The following OSBPL6 variants were observed in gnomAD, a reference collection of about 807,000 sequenced individuals.
OSBPL6 encodes the protein oxysterol binding protein like 6, also known as oxysterol-binding protein-related protein 6.
In OSBPL6, 49 loss-of-function variants were observed where a neutral mutation model predicts 125.8. The ratio of observed to expected loss-of-function variants is 0.39; its 90% CI spans 0.31 to 0.49. OSBPL6 has a LOEUF of 0.49. Ranked by LOEUF, OSBPL6 falls within the 20% of genes least tolerant of loss-of-function variation. The pLI is 0.88. For synonymous variants in OSBPL6, 394 were observed against 391.8 expected, an observed-to-expected ratio of 1.01 and a Z score of -0.07; for missense variants, 986 against 1,135.4, an observed-to-expected ratio of 0.87 and a Z score of 1.89.
intron 21 of OSBPL6, 34 bp from the exon 22 acceptor site, chr2:178,391,039 A>G (rs777092949): frequency 6.2e-7 from 1 of 1,610,912 alleles, no homozygotes. Flanking sequence ...TATTAAAGCC[A>G]TCAAATGTCA....
chr2:178,303,430 G>A (rs1686472042), intron 2 of OSBPL6, among the ~76,000 whole-genome samples: 1 of 152,008 alleles, frequency 6.6e-6, no homozygotes, highest in African/African-American at 2.4e-5. Flanking sequence ...CTATAAACAG[G>A]TGACCATTAA....
chr2:178,320,128 G>T, intron 3 of OSBPL6: 4 of 792,890 alleles, frequency 5.0e-6, no homozygotes, highest in South Asian at 2.3e-5. Context: ...TGAGAATCAC[G>T]TTTCTCTCCG....
At chr2:178,264,612 A>G (rs2154020030) in intron 1 of OSBPL6, among the ~76,000 whole-genome samples, 1 of 152,318 alleles carries the variant, frequency 6.6e-6, no homozygotes, top group Middle Eastern at 3.4e-3. Flanking sequence ...TAATGTATTC[A>G]GTCTGCAGGC....
chr2:178,355,567 C>A (rs537704539), intron 12 of OSBPL6, among the ~76,000 whole-genome samples: 6 of 152,118 alleles, frequency 3.9e-5, no homozygotes, highest in African/African-American at 1.2e-4. Context: ...TAGACCAATA[C>A]CAGGCTCTGA....
chr2:178,312,008 G>A (rs769285424), intron 3 of OSBPL6, among the ~76,000 whole-genome samples: 11 of 152,220 alleles, frequency 7.2e-5, no homozygotes, highest in Middle Eastern at 3.4e-3. Flanking sequence ...TTGAAATGGC[G>A]TCTTAGTCTG....
At chr2:178,246,464 G>C (rs1436228794) in intron 1 of OSBPL6, among the ~76,000 whole-genome samples, 1 of 152,116 alleles carries the variant, frequency 6.6e-6, no homozygotes, top group Non-Finnish European at 1.5e-5. Context: ...TTTATGGCCT[G>C]GTGTGAGAAC....
chr2:178,329,589 T>A (rs1379595531), intron 5 of OSBPL6, among the ~76,000 whole-genome samples: 4 of 151,942 alleles, frequency 2.6e-5, no homozygotes, highest in East Asian at 1.9e-4. Flanking sequence ...TGGCTAATTT[T>A]TTTTTATTTT....
chr2:178,358,215 A>G (rs1574961507), intron 12 of OSBPL6, among the ~76,000 whole-genome samples: 1 of 152,232 alleles, frequency 6.6e-6, no homozygotes, highest in Admixed American at 6.5e-5. Context: ...CATGTACCCT[A>G]GAATTTAAAC....
chr2:178,349,279 T>A lies in OSBPL6; in HGVS notation c.1043T>A (p.Leu348His). Residue 348 changes from leucine to histidine, a missense_variant, in exon 12 of 25, where the codon CTT becomes CAT. Around this residue, in one of 3 missense-constraint regions of OSBPL6, gnomAD observed 843 missense variants for 997.3 expected, o/e 0.85. Transcript: ENST00000190611. The part of the protein sequence containing the change: ...PVRLHSSNPN[L>H]CADIEFQTPP... ...CGCTTGCATTCCTCCAACCCCAACCTTTGTGCAGATATTGAATTTCAGACT... is the reference window on the plus strand; with the variant it reads ...CGCTTGCATTCCTCCAACCCCAACCATTGTGCAGATATTGAATTTCAGACT... The A allele has an allele frequency of 1.2e-6, 2 of 1,614,102 alleles. No individual in the cohort carries two copies. Among genetic ancestry groups the A allele is most frequent in the Non-Finnish European group, 1.7e-6 (2 of 1,179,972 alleles).
intron 3 of OSBPL6, among the ~76,000 whole-genome samples, chr2:178,313,310 G>A (rs907009265): frequency 3.9e-5 from 6 of 152,204 alleles, no homozygotes; most frequent in Non-Finnish European, 8.8e-5. Context: ...TGTATTTGGA[G>A]CCAATGATTA....
intron 3 of OSBPL6, among the ~76,000 whole-genome samples, chr2:178,306,637 C>T (rs548482665): frequency 1.3e-5 from 2 of 152,256 alleles, no homozygotes; most frequent in South Asian, 2.1e-4. Context: ...CTGCAAAGGA[C>T]GTCTTCCTAT....
At chr2:178,244,117 A>G (rs1256996535) in intron 1 of OSBPL6, among the ~76,000 whole-genome samples, 1 of 152,072 alleles carries the variant, frequency 6.6e-6, no homozygotes, top group Admixed American at 6.6e-5. Flanking sequence ...TTTGCCTTAC[A>G]CACTGCTCAA....
In OSBPL6 at chr2:178,332,871, G is replaced by C; in HGVS notation, c.487G>C (p.Val163Leu). 6.2e-7 allele frequency: 1 copy of C among 1,610,368 alleles called. No individual in the cohort carries two copies. Among genetic ancestry groups the C allele is most frequent in the Non-Finnish European group, 8.5e-7 (1 of 1,177,070 alleles). The change falls in exon 8 of 25, where the codon GTG becomes CTG. Residue 163 changes from valine (V) to leucine (L), a missense_variant and splice_region_variant. Val to Leu is a conservative substitution (Grantham distance 32, BLOSUM62 1). This residue lies in a region of OSBPL6 where 843 missense variants were observed against 997.3 expected (regional missense o/e 0.85). Transcript: ENST00000190611. Reference protein sequence around the residue: ...DTEEHIYHLKVKSQDWFDAWV... With the variant: ...DTEEHIYHLKLKSQDWFDAWV... ...TTTCTCCTCTCGTTCATTGTTTTAG[G>C]TGAAATCCCAGGACTGGTTTGATGC...
Position 178,383,294 on chromosome 2 carries a change from AG to A in OSBPL6, c.1875+18del. 6.2e-7 allele frequency: 1 copy of A among 1,610,202 alleles called. No individual in the cohort carries two copies. The highest frequency in any genetic ancestry group is 2.2e-5 in the East Asian group (1 of 44,812). Reference sequence around the variant, plus strand: ...GAGCGCATGGTAATAAATAACTAACAGAGCAGCGCCCCTCAGGGATTTGCCA... The same window carrying A: ...GAGCGCATGGTAATAAATAACTAACAAGCAGCGCCCCTCAGGGATTTGCCA... On this transcript the variant is annotated intron_variant, in intron 17 of 24. Coordinates refer to ENST00000190611, the MANE Select transcript of OSBPL6 (RefSeq NM_032523.4).
Position 178,399,794 on chromosome 2 carries a change from G to A in OSBPL6, c.*4235G>A, listed in dbSNP as rs1297864967. 6.6e-6 allele frequency: 1 copy of A among 152,146 alleles called. No individual in the cohort carries two copies. Among genetic ancestry groups the A allele is most frequent in the African/African-American group, 2.4e-5 (1 of 41,416 alleles). The allele number at this position is 152,146 out of a possible 1,614,324, so 9.4% of individuals were successfully genotyped here. ...TGTTTGTAAAATATACAGTATTTAT[G>A]TACAGTTTCAGAGACATTCAATATT... On this transcript the variant is annotated 3_prime_UTR_variant, in exon 25 of 25. Transcript: ENST00000190611.
intron 3 of OSBPL6, among the ~76,000 whole-genome samples, chr2:178,309,819 T>TA (rs1317767901): frequency 1.3e-5 from 2 of 152,152 alleles, no homozygotes; most frequent in East Asian, 3.8e-4. Flanking sequence ...AGAGGGAGCA[T>TA]AAGGGTTGTT....
intron 2 of OSBPL6, among the ~76,000 whole-genome samples, chr2:178,294,882 T>G (rs112105724): frequency 2.7e-4 from 41 of 151,612 alleles, no homozygotes; most frequent in African/African-American, 3.4e-4. Flanking sequence ...TTTTTTTTTT[T>G]TGTGGTGAGA....
chr2:178,240,416 A>C (rs1452439112), intron 1 of OSBPL6, among the ~76,000 whole-genome samples: 1 of 152,144 alleles, frequency 6.6e-6, no homozygotes, highest in Non-Finnish European at 1.5e-5. Context: ...TAAAAATACG[A>C]AAATTAGCCA....
intron 1 of OSBPL6, among the ~76,000 whole-genome samples, chr2:178,265,056 T>C (rs2092186247): frequency 1.3e-5 from 2 of 151,122 alleles, no homozygotes; most frequent in Admixed American, 6.6e-5. Flanking sequence ...ACTTTTTTTT[T>C]AGAGATGAGG....
Sources: gnomAD v4.1 joint callset for allele counts (sites outside exome capture counted in the v4.1 genomes callset) on GRCh38, gnomAD v4.1.1 for gene constraint, gnomAD v4.1.1 regional missense constraint, MANE v1.5 for transcripts, NCBI Gene and HGNC (gene_info 2026-07-23, HGNC 2026-07-21) for gene names.